The following DNAJC12 variants were observed in gnomAD, a reference collection of about 807,000 sequenced individuals.
DNAJC12 encodes dnaJ homolog subfamily C member 12.
DNAJC12 carries 25 observed loss-of-function variants against 28.5 expected under a neutral mutation model. That is an observed-to-expected ratio of 0.88 (90% CI 0.64 to 1.22). DNAJC12 has a LOEUF of 1.22. DNAJC12 is among the 50% of genes most tolerant of loss of function. DNAJC12 has a pLI of 0.00. For synonymous variants in DNAJC12, 77 were observed against 80.6 expected, an observed-to-expected ratio of 0.95 and a Z score of 0.24; for missense variants, 222 against 231.7, an observed-to-expected ratio of 0.96 and a Z score of 0.27.
chr10:67,812,690 A>T (rs1841872761), intron 2 of DNAJC12, among the ~76,000 whole-genome samples: 1 of 129,478 alleles, frequency 7.7e-6, no homozygotes, highest in Non-Finnish European at 1.5e-5. Context: ...TAAAAATACA[A>T]AAAAAAAAAA....
intron 3 of DNAJC12, chr10:67,808,721 T>C (rs1841829013): frequency 6.6e-6 from 1 of 152,184 alleles, no homozygotes; most frequent in Admixed American, 6.6e-5. Flanking sequence ...ATAGATCAGC[T>C]GAATAGCTAT....
intron 3 of DNAJC12, 98 bp from the exon 4 acceptor site, chr10:67,805,885 T>A: frequency 2.3e-6 from 2 of 883,218 alleles, no homozygotes; most frequent in Non-Finnish European, 3.2e-6. Context: ...CCTACTACTG[T>A]AGTGCTAATT....
At chr10:67,826,978 T>C (rs1842043544) in intron 1 of DNAJC12, among the ~76,000 whole-genome samples, 1 of 137,362 alleles carries the variant, frequency 7.3e-6, no homozygotes, top group Non-Finnish European at 1.6e-5. Context: ...CATGATATAT[T>C]ATATATATAT....
intron 2 of DNAJC12, among the ~76,000 whole-genome samples, 182 bp downstream of exon 2, chr10:67,823,132 C>T (rs565778757): frequency 1.3e-5 from 2 of 152,174 alleles, no homozygotes; most frequent in African/African-American, 4.8e-5. Context: ...AGATCTTAAA[C>T]GACTACTATT....
intron 2 of DNAJC12, among the ~76,000 whole-genome samples, chr10:67,819,322 G>A (rs533677538): frequency 5.3e-5 from 8 of 151,800 alleles, no homozygotes; most frequent in Middle Eastern, 3.4e-3. Context: ...GCGACAGAGC[G>A]AGAAGCCGTC....
At chr10:67,833,827 T>G in intron 1 of DNAJC12, 1 of 502,396 alleles carries the variant, frequency 2.0e-6, no homozygotes, top group Non-Finnish European at 4.1e-6. Flanking sequence ...GGCCATTATG[T>G]TTTGCAAGCC....
chr10:67,815,504 G>A lies in DNAJC12; in HGVS notation c.158-3841C>T, dbSNP rs572911410. 1.5e-3 allele frequency among the ~76,000 whole-genome samples: 118 copies of A among 77,740 alleles called. 2 individuals are homozygous for A. The highest frequency in any genetic ancestry group is 0.011 in the East Asian group (27 of 2,548). 51.0% of individuals were successfully genotyped at this position (77,740 alleles called of 152,430 possible). On this transcript the variant is annotated intron_variant, in intron 2 of 4. Transcript: ENST00000225171. Reference sequence around the variant, plus strand: ...GCCTGGGCAACAAGAACAATACTTCGTCTCAAAAAAAAAAAAAAAAAAAGA... The same window carrying A: ...GCCTGGGCAACAAGAACAATACTTCATCTCAAAAAAAAAAAAAAAAAAAGA...
Position 67,801,655 on chromosome 10 carries a change from T to C in DNAJC12, c.502+3928A>G, listed in dbSNP as rs561222599. 4.0e-5 allele frequency among the ~76,000 whole-genome samples: 6 copies of C among 151,688 alleles called. No homozygotes were observed. The South Asian group carries it at 1.0e-3, about 26-fold the overall frequency. On this transcript the variant is annotated intron_variant, in intron 4 of 4. Coordinates refer to ENST00000225171, the MANE Select transcript of DNAJC12 (RefSeq NM_021800.3). ...AAATATGAAAATTAGCCAGGTGTGG[T>C]GGCGGGTGCCTGTAATCCCAGCTAC...
intron 3 of DNAJC12, among the ~76,000 whole-genome samples, chr10:67,810,566 CA>C (rs1333081445): frequency 1.3e-5 from 2 of 152,060 alleles, no homozygotes; most frequent in African/African-American, 4.8e-5. Flanking sequence ...ACTATTTAAA[CA>C]AAAAGCAGAA....
chr10:67,817,547 T>C (rs1841927878), intron 2 of DNAJC12, among the ~76,000 whole-genome samples: 1 of 152,220 alleles, frequency 6.6e-6, no homozygotes, highest in Non-Finnish European at 1.5e-5. Context: ...TCTGAATTTC[T>C]GTCAAGCTAA....
chr10:67,814,262 A>G (rs1841891795), intron 2 of DNAJC12, among the ~76,000 whole-genome samples: 1 of 152,196 alleles, frequency 6.6e-6, no homozygotes, highest in Non-Finnish European at 1.5e-5. Flanking sequence ...TGAAGAAAAA[A>G]AATAGTCTTT....
intron 2 of DNAJC12, among the ~76,000 whole-genome samples, chr10:67,816,778 C>A (rs1232167893): frequency 1.3e-5 from 2 of 152,130 alleles, no homozygotes; most frequent in Non-Finnish European, 2.9e-5. Context: ...AACTCCTGAC[C>A]TCATGTGATC....
chr10:67,809,412 C>CT (rs1029715883), intron 3 of DNAJC12, among the ~76,000 whole-genome samples: 1 of 151,934 alleles, frequency 6.6e-6, no homozygotes, highest in Non-Finnish European at 1.5e-5. Flanking sequence ...CACTCCAAAC[C>CT]TTTTTTTTCA....
chr10:67,830,658 T>TAAATAAA (rs58247409), intron 1 of DNAJC12, among the ~76,000 whole-genome samples: 1 of 151,222 alleles, frequency 6.6e-6, no homozygotes, highest in Admixed American at 6.6e-5. Flanking sequence ...AATAAATAAA[T>TAAATAAA]TTTTTGATAC....
chr10:67,836,320 CA>C (rs1441827546), intron 1 of DNAJC12, among the ~76,000 whole-genome samples: 1 of 145,242 alleles, frequency 6.9e-6, no homozygotes. Context: ...ATCTATGTAA[CA>C]AACCTGCACA....
chr10:67,836,940 AATAAC>A (rs1842147453), intron 1 of DNAJC12, among the ~76,000 whole-genome samples: 1 of 150,052 alleles, frequency 6.7e-6, no homozygotes. Flanking sequence ...AATATATCCT[AATAAC>A]ATGATTTAAT....
intron 1 of DNAJC12, among the ~76,000 whole-genome samples, chr10:67,832,463 T>C (rs1842104012): frequency 6.6e-6 from 1 of 152,064 alleles, no homozygotes; most frequent in Non-Finnish European, 1.5e-5. Flanking sequence ...TCATGAGGCA[T>C]AGAAACAATT....
At chr10:67,819,116 G>C (rs1187211453) in intron 2 of DNAJC12, among the ~76,000 whole-genome samples, 2 of 150,736 alleles carry the variant, frequency 1.3e-5, no homozygotes, top group African/African-American at 4.9e-5. Flanking sequence ...GGCGGATCAC[G>C]AGGTCAGGAG....
intron 1 of DNAJC12, among the ~76,000 whole-genome samples, chr10:67,823,700 CA>C (rs11334526): frequency 0.73 from 108,380 of 147,810 alleles, 40,162 homozygotes; most frequent in Non-Finnish European, 0.8. Flanking sequence ...GATCTTATCT[CA>C]AAAAAAAAAA....
Sources: gnomAD v4.1 joint callset for allele counts (sites outside exome capture counted in the v4.1 genomes callset) on GRCh38, gnomAD v4.1.1 for gene constraint, MANE v1.5 for transcripts, NCBI Gene and HGNC (gene_info 2026-07-23, HGNC 2026-07-21) for gene names.